MTF1: variants seen among roughly 807,000 people sequenced by gnomAD.
MTF1 encodes MRE-binding transcription factor.
In MTF1, 22 loss-of-function variants were observed where a neutral mutation model predicts 70.4. The observed-to-expected ratio is 0.31, with a 90% CI of 0.22 to 0.45. The LOEUF (loss-of-function observed/expected upper bound fraction) is 0.45. MTF1 is among the 20% of genes least tolerant of loss of function. The probability of loss-of-function intolerance (pLI) is 1.00; values close to 1 mark genes in which losing one functional copy is unlikely to be tolerated. For missense variants in MTF1, 649 were observed against 922.0 expected, an observed-to-expected ratio of 0.70 and a Z score of 3.83; for synonymous variants, 333 against 352.8, an observed-to-expected ratio of 0.94 and a Z score of 0.63.
chr1:37,855,454 A>C (rs913280518), intron 2 of MTF1, among the ~76,000 whole-genome samples: 3 of 152,208 alleles, frequency 2.0e-5, no homozygotes, highest in Non-Finnish European at 4.4e-5. Flanking sequence ...AGATTTCTGC[A>C]TAGGGTAGGA....
chr1:37,826,777 G>A (rs1182644762), intron 7 of MTF1, among the ~76,000 whole-genome samples: 1 of 152,114 alleles, frequency 6.6e-6, no homozygotes, highest in African/African-American at 2.4e-5. Context: ...TCAAGAGTTC[G>A]AAACCAGCCT....
At position 37,840,731 on chromosome 1, in the gene MTF1, A is replaced by G. The variant is rs1641242540; in HGVS notation, c.409-573T>C. 1.3e-5 allele frequency among the ~76,000 whole-genome samples: 2 copies of G among 151,726 alleles called. No homozygotes were observed. The highest frequency in any genetic ancestry group is 4.2e-4 in the South Asian group (2 of 4,794). The stretch of plus-strand genomic sequence containing the variant: ...AACTGCCAGCCTCTTGTTTCCTTTC[A>G]CCATCAAACTTCTTGAAAGGGGAGT... On this transcript the variant is annotated intron_variant, in intron 2 of 10. Transcript: ENST00000373036. This position sits in a 1 kb window ranked among gnomAD's most constrained non-coding sequence, Gnocchi z 4.5.
At chr1:37,831,741 C>A (rs1396072811) in intron 7 of MTF1, among the ~76,000 whole-genome samples, 3 of 151,472 alleles carry the variant, frequency 2.0e-5, no homozygotes, top group African/African-American at 7.3e-5. Flanking sequence ...CTTCAAAAAG[C>A]TAATAAACCT....
intron 2 of MTF1, among the ~76,000 whole-genome samples, chr1:37,841,854 C>T (rs576182582): frequency 6.6e-6 from 1 of 152,232 alleles, no homozygotes; most frequent in East Asian, 1.9e-4. Flanking sequence ...CACAGCAAGA[C>T]CCTGTCTCTA....
intron 4 of MTF1, among the ~76,000 whole-genome samples, chr1:37,838,405 G>T (rs914064830): frequency 1.3e-5 from 2 of 152,186 alleles, no homozygotes; most frequent in African/African-American, 4.8e-5. Flanking sequence ...GGGAAAAAAT[G>T]AGGCAGAAAG....
Position 37,822,569 on chromosome 1 carries a change from G to A in MTF1, c.1319C>T (p.Pro440Leu), listed in dbSNP as rs1437120753. The change falls in exon 9 of 11, where the codon CCG becomes CTG. Residue 440 changes from proline to leucine, a missense_variant. Coordinates refer to ENST00000373036, the MANE Select transcript of MTF1 (RefSeq NM_005955.3). The part of the protein sequence containing the change: ...PPQPLLPASA[P>L]SAPPPAPSLG... The stretch of plus-strand genomic sequence containing the variant: ...GGAGGGAGCAGGCGGAGGAGCAGAC[G>A]GAGCTGAGGCAGGTAGTAGAGGCTG... 17 of 1,614,050 alleles carry A rather than the reference G, an allele frequency of 1.1e-5. No individual in the cohort carries two copies. In the Middle Eastern group the frequency reaches 4.9e-4, roughly 47 times the overall value.
chr1:37,835,436 G>C (rs145713897), intron 5 of MTF1, among the ~76,000 whole-genome samples: 44 of 152,098 alleles, frequency 2.9e-4, no homozygotes, highest in African/African-American at 9.9e-4. Context: ...GAGTAGATTT[G>C]TTTCTCACAG....
intron 2 of MTF1, among the ~76,000 whole-genome samples, chr1:37,851,697 G>A (rs1397530789): frequency 6.6e-6 from 1 of 152,024 alleles, no homozygotes; most frequent in Non-Finnish European, 1.5e-5. Flanking sequence ...CCGAACATTC[G>A]CTCATGAAAC....
chr1:37,815,960 C>G lies in MTF1; in HGVS notation c.1832-394G>C, dbSNP rs1414583088. 6.6e-6 allele frequency among the ~76,000 whole-genome samples: 1 copy of G among 152,160 alleles called. No homozygotes were observed. Among genetic ancestry groups the G allele is most frequent in the East Asian group, 1.9e-4 (1 of 5,188 alleles). On this transcript the variant is annotated intron_variant, in intron 10 of 10. Coordinates refer to ENST00000373036, the MANE Select transcript of MTF1 (RefSeq NM_005955.3). The surrounding 1 kb of genome is among the most constrained non-coding windows in gnomAD (Gnocchi z 4.5). ...ACACCTCTCTTCTGGAGAACTGACA[C>G]TCATCTTTCAAGACCTAGCTCACTC...
intron 2 of MTF1, among the ~76,000 whole-genome samples, chr1:37,848,393 T>G (rs762226462): frequency 5.9e-5 from 9 of 152,238 alleles, no homozygotes; most frequent in Non-Finnish European, 7.3e-5. Flanking sequence ...GCCACATAGC[T>G]AGTACATAAC....
At chr1:37,832,531 G>A (rs1641102792) in intron 6 of MTF1, among the ~76,000 whole-genome samples, 1 of 152,102 alleles carries the variant, frequency 6.6e-6, no homozygotes, top group Non-Finnish European at 1.5e-5. Flanking sequence ...TGCACAATGT[G>A]CAGGTTTGTT....
At chr1:37,855,278 C>T (rs1438339343) in intron 2 of MTF1, among the ~76,000 whole-genome samples, 1 of 152,146 alleles carries the variant, frequency 6.6e-6, no homozygotes, top group African/African-American at 2.4e-5. Context: ...AACCAGTGGG[C>T]AGCACCTGCA....
intron 7 of MTF1, among the ~76,000 whole-genome samples, chr1:37,827,489 C>G (rs139477416): frequency 0.095 from 14,381 of 152,082 alleles, 856 homozygotes; most frequent in Middle Eastern, 0.24. Flanking sequence ...TCCCAAGTAG[C>G]TGGGACTACA....
chr1:37,829,551 G>C (rs1379066369), intron 7 of MTF1, among the ~76,000 whole-genome samples: 2 of 151,960 alleles, frequency 1.3e-5, no homozygotes, highest in African/African-American at 4.8e-5. Context: ...GGGAGTCCGA[G>C]ACGGGCGGAT....
intron 7 of MTF1, among the ~76,000 whole-genome samples, chr1:37,826,923 G>A (rs936482575): frequency 7.9e-5 from 12 of 152,082 alleles, no homozygotes; most frequent in Admixed American, 5.2e-4. Flanking sequence ...AGGTTGCAGC[G>A]AGCTGAGATC....
intron 9 of MTF1, among the ~76,000 whole-genome samples, 156 bp from the exon 10 acceptor site, chr1:37,817,638 A>T (rs939300815): frequency 3.3e-5 from 5 of 152,230 alleles, no homozygotes; most frequent in African/African-American, 1.2e-4. Context: ...TTGTGCTCTG[A>T]CATGAGGTCA....
At chr1:37,822,755 C>A in intron 8 of MTF1, 39 bp from the exon 9 acceptor site, 2 of 1,465,788 alleles carry the variant, frequency 1.4e-6, no homozygotes, top group South Asian at 2.4e-5. Context: ...ATACATATCC[C>A]AAGCCTTAGA....
intron 3 of MTF1, among the ~76,000 whole-genome samples, 199 bp downstream of exon 3, chr1:37,839,719 TAA>T (rs966790946): frequency 6.6e-6 from 1 of 152,248 alleles, no homozygotes; most frequent in African/African-American, 2.4e-5. Flanking sequence ...CATCTTTAAG[TAA>T]CAGGTTTCTC....
rs1462841224 is a variant in MTF1 at position 37,828,184 on chromosome 1, A to C, written c.1068+4061T>G. On this transcript the variant is annotated intron_variant, in intron 7 of 10. Coordinates refer to ENST00000373036, the MANE Select transcript of MTF1 (RefSeq NM_005955.3). ...AATCATAAAAGCATTAAAAAAAAAA[A>C]AACAGGAAAAACTAATCTTAGTTGT... 7 of 419,028 alleles carry C rather than the reference A, an allele frequency of 1.7e-5. 1 individual carries two copies. Among genetic ancestry groups the C allele is most frequent in the Admixed American group, 1.5e-4 (5 of 33,676 alleles). The allele number at this position is 419,028 out of a possible 1,614,324, so 26.0% of individuals were successfully genotyped here. A position where few individuals can be genotyped will look rare whatever the true frequency, so the allele number is the denominator to read the frequency against.
Sources: gnomAD v4.1 joint callset for allele counts (sites outside exome capture counted in the v4.1 genomes callset) on GRCh38, gnomAD v4.1.1 for gene constraint, Gnocchi (gnomAD v3.1) non-coding constraint, MANE v1.5 for transcripts, NCBI Gene and HGNC (gene_info 2026-07-23, HGNC 2026-07-21) for gene names.